Variants in RPS6KC1 observed in about 807,000 individuals in gnomAD.
RPS6KC1 encodes the protein inactive ribosomal protein S6 kinase delta-1.
RPS6KC1 carries 54 observed loss-of-function variants against 103.8 expected under a neutral mutation model. The observed-to-expected ratio is 0.52, with a 90% CI of 0.42 to 0.65. The LOEUF is 0.65. Ranked by LOEUF, RPS6KC1 falls within the 30% of genes least tolerant of loss-of-function variation. RPS6KC1 has a pLI of 0.00. For synonymous variants in RPS6KC1, 439 were observed against 438.7 expected (o/e 1.00, Z -0.01); for missense variants, 1,151 against 1,253.8 (o/e 0.92, Z 1.24).
intron 6 of RPS6KC1, among the ~76,000 whole-genome samples, chr1:213,143,674 T>C (rs1341760063): frequency 6.6e-6 from 1 of 152,074 alleles, no homozygotes; most frequent in Non-Finnish European, 1.5e-5. Context: ...GTTTTCGTTT[T>C]TAAATCTCAT....
chr1:213,112,439 G>A (rs138288776), intron 4 of RPS6KC1, among the ~76,000 whole-genome samples: 6 of 151,838 alleles, frequency 4.0e-5, no homozygotes, highest in Admixed American at 1.3e-4. Context: ...GCCACATAGA[G>A]AAATCAATTT....
the RPS6KC1 span, among the ~76,000 whole-genome samples, chr1:213,853,849 A>G: frequency 6.6e-6 from 1 of 152,102 alleles, no homozygotes. Context: ...TATTGCCTTA[A>G]TCCACATGCT....
the RPS6KC1 span, among the ~76,000 whole-genome samples, chr1:213,339,165 G>T: frequency 6.6e-6 from 1 of 152,170 alleles, no homozygotes; most frequent in African/African-American, 2.4e-5. Flanking sequence ...TCAGGAGGCT[G>T]AGAGGCAGGA....
At chr1:213,228,010 G>T (rs967041794) in intron 8 of RPS6KC1, among the ~76,000 whole-genome samples, 1 of 152,062 alleles carries the variant, frequency 6.6e-6, no homozygotes, top group African/African-American at 2.4e-5. Context: ...GAACATCTTT[G>T]GGGCCCATTA....
chr1:213,177,659 C>T (rs138573172), intron 8 of RPS6KC1, among the ~76,000 whole-genome samples: 88 of 151,994 alleles, frequency 5.8e-4, no homozygotes, highest in East Asian at 2.5e-3. Context: ...TTTTCATAAC[C>T]GTGTTTTCTG....
At chr1:213,053,343 C>A (rs1467703784) in intron 1 of RPS6KC1, among the ~76,000 whole-genome samples, 5 of 152,170 alleles carry the variant, frequency 3.3e-5, no homozygotes, top group African/African-American at 1.2e-4. Context: ...GCATTTGTTT[C>A]TGCTTATATC....
At chr1:213,543,944 G>A in the RPS6KC1 span, among the ~76,000 whole-genome samples, 1 of 152,068 alleles carries the variant, frequency 6.6e-6, no homozygotes, top group Non-Finnish European at 1.5e-5. Context: ...GATTAATGAA[G>A]GGCTAAGTAA....
At chr1:213,146,242 A>G (rs1223273831) in intron 6 of RPS6KC1, among the ~76,000 whole-genome samples, 4 of 151,802 alleles carry the variant, frequency 2.6e-5, no homozygotes, top group Admixed American at 6.6e-5. Context: ...TCATGGCTCA[A>G]TAGTACCCTG....
chr1:213,253,891 AT>A (rs1434652114), intron 12 of RPS6KC1, among the ~76,000 whole-genome samples: 1 of 151,914 alleles, frequency 6.6e-6, no homozygotes, highest in African/African-American at 2.4e-5. Context: ...GCAGTTCTGG[AT>A]TTAGGGTAAA....
chr1:213,104,705 T>G, intron 4 of RPS6KC1, 136 bp downstream of exon 4: 1 of 459,608 alleles, frequency 2.2e-6, no homozygotes, highest in Non-Finnish European at 3.8e-6. Flanking sequence ...ATAATAATGT[T>G]TATGGCATAT....
chr1:213,282,449 G>T, the RPS6KC1 span, among the ~76,000 whole-genome samples: 1 of 152,224 alleles, frequency 6.6e-6, no homozygotes, highest in Non-Finnish European at 1.5e-5. Context: ...ATAAAATCCT[G>T]CTCCTCAGAG....
chr1:213,428,789 C>T, the RPS6KC1 span: 30,675 of 152,224 alleles, frequency 0.2, 3,151 homozygotes, highest in East Asian at 0.25. Flanking sequence ...TTGCTGAACC[C>T]TCATCTTCGT....
chr1:213,658,942 A>C, the RPS6KC1 span, among the ~76,000 whole-genome samples: 1 of 151,956 alleles, frequency 6.6e-6, no homozygotes, highest in Non-Finnish European at 1.5e-5. Flanking sequence ...CACTCTGCTG[A>C]TATTCTTTTT....
At position 213,240,857 on chromosome 1, in the gene RPS6KC1, A is replaced by G. The variant is rs970493687; in HGVS notation, c.1381A>G (p.Ser461Gly). 8 of 1,613,810 alleles carry G rather than the reference A, an allele frequency of 5.0e-6. No homozygotes were observed. The highest frequency in any genetic ancestry group is 4.0e-5 in the African/African-American group (3 of 74,910). Reference sequence around the variant, plus strand: ...CAGCAGTAGCTTTGAATCCAGAGGAAGTGATGGTGGAAGCATGCTTAAAGC... The same window carrying G: ...CAGCAGTAGCTTTGAATCCAGAGGAGGTGATGGTGGAAGCATGCTTAAAGC... ...QDSSSFESRGSDGGSMLKALP... is the reference protein window; with the variant it reads ...QDSSSFESRGGDGGSMLKALP... The change falls in exon 11 of 15, where the codon AGT becomes GGT. Residue 461 changes from serine to glycine, a missense_variant. Around this residue, in one of 3 missense-constraint regions of RPS6KC1, gnomAD observed 959 missense variants for 1,006.3 expected, o/e 0.95. Coordinates refer to ENST00000366960, the MANE Select transcript of RPS6KC1 (RefSeq NM_012424.6).
At chr1:213,475,926 G>A in the RPS6KC1 span, among the ~76,000 whole-genome samples, 1 of 152,210 alleles carries the variant, frequency 6.6e-6, no homozygotes, top group South Asian at 2.1e-4. Flanking sequence ...ACACTTGGGG[G>A]AATCTTCTCC....
the RPS6KC1 span, among the ~76,000 whole-genome samples, chr1:213,511,342 T>C: frequency 1.3e-5 from 2 of 152,168 alleles, no homozygotes; most frequent in African/African-American, 2.4e-5. Context: ...ACGGCCCTGC[T>C]CTGGCAAGCC....
At chr1:213,801,910 C>T in the RPS6KC1 span, among the ~76,000 whole-genome samples, 1 of 152,186 alleles carries the variant, frequency 6.6e-6, no homozygotes, top group Non-Finnish European at 1.5e-5. Flanking sequence ...TCAAATGGCA[C>T]TGTCTTACCA....
chr1:213,799,221 T>C, the RPS6KC1 span, among the ~76,000 whole-genome samples: 2 of 152,252 alleles, frequency 1.3e-5, no homozygotes, highest in Non-Finnish European at 2.9e-5. Context: ...TTACTGAATT[T>C]ATTTATCTAG....
At chr1:213,526,092 G>C in the RPS6KC1 span, among the ~76,000 whole-genome samples, 2 of 152,136 alleles carry the variant, frequency 1.3e-5, no homozygotes, top group Non-Finnish European at 2.9e-5. Context: ...AAAACTGCAG[G>C]AGAACAAAAG....
Sources: gnomAD v4.1 joint callset for allele counts (sites outside exome capture counted in the v4.1 genomes callset) on GRCh38, gnomAD v4.1.1 for gene constraint, gnomAD v4.1.1 regional missense constraint, MANE v1.5 for transcripts, NCBI Gene and HGNC (gene_info 2026-07-23, HGNC 2026-07-21) for gene names.